Variants in CHD9 observed in about 807,000 individuals in gnomAD.
CHD9 encodes the protein chromodomain helicase DNA binding protein 9.
Under a neutral mutation model 316.1 loss-of-function variants are expected in CHD9, and 77 were observed. That is an observed-to-expected ratio of 0.24 (90% confidence interval 0.20 to 0.29). CHD9 has a LOEUF of 0.29. CHD9 is among the 10% of genes least tolerant of loss of function. The pLI, the probability that CHD9 is intolerant of heterozygous loss-of-function variation, is 1.00. For missense variants in CHD9, 2,763 were observed against 3,438.1 expected (o/e 0.80, Z 4.91); for synonymous variants, 1,129 against 1,158.3 (o/e 0.97, Z 0.51).
intron 19 of CHD9, among the ~76,000 whole-genome samples, chr16:53,262,340 A>C (rs1371199891): frequency 6.6e-6 from 1 of 152,146 alleles, no homozygotes; most frequent in Non-Finnish European, 1.5e-5. Flanking sequence ...GTTTCTTCCA[A>C]CTAAAAGATT....
chr16:53,138,405 G>T (rs2039873510), intron 1 of CHD9, among the ~76,000 whole-genome samples: 1 of 152,138 alleles, frequency 6.6e-6, no homozygotes, highest in Non-Finnish European at 1.5e-5. Flanking sequence ...AATGGATTTG[G>T]TAGACATGAA....
intron 24 of CHD9, among the ~76,000 whole-genome samples, chr16:53,283,210 T>C (rs964533321): frequency 1.3e-5 from 2 of 152,182 alleles, no homozygotes; most frequent in Non-Finnish European, 1.5e-5. Context: ...GCCACAGCAC[T>C]CATCACACAG....
chr16:53,202,253 G>T (rs540927297), intron 2 of CHD9, among the ~76,000 whole-genome samples: 2 of 152,194 alleles, frequency 1.3e-5, no homozygotes, highest in African/African-American at 4.8e-5. Context: ...TCTGGTCAGG[G>T]TTTCTATTTC....
chr16:53,112,738 G>A (rs1236565794), intron 1 of CHD9, among the ~76,000 whole-genome samples: 2 of 152,152 alleles, frequency 1.3e-5, no homozygotes, highest in Non-Finnish European at 2.9e-5. Flanking sequence ...ACAAGGCCAG[G>A]CATAGTGGCT....
intron 35 of CHD9, 38 bp from the exon 36 acceptor site, chr16:53,314,785 G>C: frequency 7.1e-7 from 1 of 1,411,016 alleles, no homozygotes; most frequent in Non-Finnish European, 9.8e-7. Flanking sequence ...GAATGATAAA[G>C]TATGAAAATA....
chr16:53,318,370 G>T, intron 37 of CHD9, 30 bp downstream of exon 37: 2 of 1,531,326 alleles, frequency 1.3e-6, no homozygotes, highest in Non-Finnish European at 1.8e-6. Flanking sequence ...TTAATCTTTT[G>T]TATTGATTCA....
chr16:53,233,151 C>T (rs557366645), intron 10 of CHD9, among the ~76,000 whole-genome samples: 5 of 152,256 alleles, frequency 3.3e-5, no homozygotes, highest in African/African-American at 1.2e-4. Flanking sequence ...AAGACTGCCC[C>T]CTCCTTTCCA....
chr16:53,131,307 G>C (rs928323324), intron 1 of CHD9: 2 of 152,004 alleles, frequency 1.3e-5, no homozygotes, highest in African/African-American at 5.2e-5. Context: ...CGGTGAGTAC[G>C]TGCAGCCGCC....
intron 24 of CHD9, among the ~76,000 whole-genome samples, chr16:53,282,992 A>G (rs1182724543): frequency 1.3e-5 from 2 of 151,976 alleles, no homozygotes; most frequent in African/African-American, 2.4e-5. Context: ...CCAAATCCCT[A>G]TCTGTAGCCC....
At chr16:53,087,619 A>G (rs975081568) in intron 1 of CHD9, among the ~76,000 whole-genome samples, 1 of 152,196 alleles carries the variant, frequency 6.6e-6, no homozygotes, top group African/African-American at 2.4e-5. Context: ...ATAATGTCAT[A>G]TTCCTTAGGA....
intron 5 of CHD9, among the ~76,000 whole-genome samples, chr16:53,226,902 C>T (rs1289226089): frequency 1.3e-5 from 2 of 152,124 alleles, no homozygotes; most frequent in East Asian, 1.9e-4. Context: ...GATTTTCTGG[C>T]GTCATCTTCT....
intron 34 of CHD9, 111 bp from the exon 35 acceptor site, chr16:53,314,266 A>T (rs1423206074): frequency 1.5e-6 from 1 of 689,552 alleles, no homozygotes; most frequent in East Asian, 3.1e-5. Flanking sequence ...TTTCTACATT[A>T]AAGATGTATA....
At chr16:53,186,387 A>G (rs1293367563) in intron 2 of CHD9, among the ~76,000 whole-genome samples, 3 of 152,188 alleles carry the variant, frequency 2.0e-5, no homozygotes, top group Admixed American at 6.5e-5. Flanking sequence ...TGAAACAGAT[A>G]TGTTTACCCA....
intron 30 of CHD9, among the ~76,000 whole-genome samples, chr16:53,300,586 T>C (rs1026808233): frequency 6.6e-6 from 1 of 152,140 alleles, no homozygotes; most frequent in African/African-American, 2.4e-5. Flanking sequence ...AATGCAAAAA[T>C]GGCTTGGAGA....
chr16:53,105,124 T>G (rs982142906), intron 1 of CHD9, among the ~76,000 whole-genome samples: 1 of 152,170 alleles, frequency 6.6e-6, no homozygotes, highest in Non-Finnish European at 1.5e-5. Context: ...ATTACAGACA[T>G]GAGTCACCAC....
At chr16:53,084,633 C>T (rs1329969200) in intron 1 of CHD9, among the ~76,000 whole-genome samples, 1 of 152,170 alleles carries the variant, frequency 6.6e-6, no homozygotes, top group Non-Finnish European at 1.5e-5. Flanking sequence ...GTCCCAGCTA[C>T]TTGGGAGGCT....
At chr16:53,154,788 C>T (rs1399598814) in intron 1 of CHD9, among the ~76,000 whole-genome samples, 1 of 152,146 alleles carries the variant, frequency 6.6e-6, no homozygotes, top group Non-Finnish European at 1.5e-5. Flanking sequence ...TTCTAACAGG[C>T]CACGCACCCA....
intron 19 of CHD9, among the ~76,000 whole-genome samples, chr16:53,258,456 C>G (rs578157757): frequency 6.6e-6 from 1 of 152,138 alleles, no homozygotes; most frequent in African/African-American, 2.4e-5. Flanking sequence ...GTTCATTTCC[C>G]AAATAATTTG....
chr16:53,073,456 A>G (rs1446929102), intron 1 of CHD9, among the ~76,000 whole-genome samples: 3 of 152,228 alleles, frequency 2.0e-5, no homozygotes, highest in Admixed American at 1.3e-4. Flanking sequence ...ATGTACAAAT[A>G]TCTCTTTGAG....
Sources: allele counts gnomAD v4.1 joint callset (sites outside exome capture counted in the v4.1 genomes callset), GRCh38; gene constraint gnomAD v4.1.1; transcripts MANE v1.5; gene names NCBI Gene and HGNC (gene_info 2026-07-23, HGNC 2026-07-21).